Variants in ENPP4 observed in about 807,000 individuals in gnomAD.
The protein encoded by ENPP4 is ectonucleotide pyrophosphatase/phosphodiesterase 4.
Under a neutral mutation model 33.4 loss-of-function variants are expected in ENPP4, and 18 were observed. That is an observed-to-expected ratio of 0.54 (90% CI 0.37 to 0.80). ENPP4 has a LOEUF of 0.80. Ranked by LOEUF, ENPP4 falls within the 30% of genes least tolerant of loss-of-function variation. The probability of loss-of-function intolerance (pLI) is 0.00; values close to 1 mark genes in which losing one functional copy is unlikely to be tolerated. For missense variants in ENPP4, 480 were observed against 541.7 expected (o/e 0.89, Z 1.13); for synonymous variants, 172 against 189.9 (o/e 0.91, Z 0.78).
chr6:46,140,511 A>G, intron 2 of ENPP4, 102 bp downstream of exon 2: 2 of 697,538 alleles, frequency 2.9e-6, no homozygotes, highest in Non-Finnish European at 4.7e-6. Context: ...TTTGTAGTTT[A>G]GAACCATATA....
At position 46,142,848 on chromosome 6, in the gene ENPP4, G is replaced by T. The variant is rs979590743; in HGVS notation, c.998-428G>T. 2.6e-5 allele frequency among the ~76,000 whole-genome samples: 4 copies of T among 151,838 alleles called. No homozygotes were observed. The East Asian group carries it at 5.8e-4, about 22-fold the overall frequency. On this transcript the variant is annotated intron_variant, in intron 3 of 3. Transcript: ENST00000321037. ...CTCCTGTAACAATTGAGATAGGTTA[G>T]GCTGCAGATTTTCTTTTTCTCCATT...
Position 46,140,057 on chromosome 6 carries a change from G to A in ENPP4, c.474G>A (p.Val158=), listed in dbSNP as rs970442243. 4.3e-6 allele frequency: 7 copies of A among 1,611,774 alleles called. No homozygotes were observed. Among genetic ancestry groups the A allele is most frequent in the Non-Finnish European group, 5.9e-6 (7 of 1,178,250 alleles). The change falls in exon 2 of 4, where the codon GTG becomes GTA. Residue 158 remains valine (V), a synonymous_variant. Transcript: ENST00000321037. ...SSYFMNYNSS[V]SFEERLNNIT... is the part of the protein sequence containing the mutation. Reference sequence around the variant, plus strand: ...ATTTTATGAATTACAACTCCTCAGTGTCATTTGAGGAAAGACTAAATAATA... The same window carrying A: ...ATTTTATGAATTACAACTCCTCAGTATCATTTGAGGAAAGACTAAATAATA...
At position 46,133,926 on chromosome 6, in the gene ENPP4, C is replaced by T. The variant is rs1212461668; in HGVS notation, c.-34+3737C>T. Among the ~76,000 whole-genome samples, 11 of 152,176 alleles carry T rather than the reference C, an allele frequency of 7.2e-5. No individual in the cohort carries two copies. The East Asian group carries it at 2.1e-3, about 29-fold the overall frequency. ...GATTATTATCAGACTTGTTAACTTGCTATTACTGGACTTGTAAACTTATTG... is the reference window on the plus strand; with the variant it reads ...GATTATTATCAGACTTGTTAACTTGTTATTACTGGACTTGTAAACTTATTG... On this transcript the variant is annotated intron_variant, in intron 1 of 3. Coordinates refer to ENST00000321037, the MANE Select transcript of ENPP4 (RefSeq NM_014936.5).
chr6:46,134,487 TTG>T (rs1291908907), intron 1 of ENPP4, among the ~76,000 whole-genome samples: 1 of 152,138 alleles, frequency 6.6e-6, no homozygotes, highest in Non-Finnish European at 1.5e-5. Flanking sequence ...GCATTTTGAT[TTG>T]TGTTTTGTGG....
chr6:46,143,109 A>T (rs1581957678), intron 3 of ENPP4, among the ~76,000 whole-genome samples, 167 bp from the exon 4 acceptor site: 1 of 148,648 alleles, frequency 6.7e-6, no homozygotes, highest in East Asian at 2.0e-4. Context: ...TGTGTATGTG[A>T]GAGAGAGAGA....
intron 1 of ENPP4, among the ~76,000 whole-genome samples, chr6:46,137,636 A>G (rs1280597513): frequency 1.3e-5 from 2 of 151,892 alleles, no homozygotes; most frequent in Admixed American, 6.6e-5. Flanking sequence ...GTCTGTGGAA[A>G]TACCCATATG....
rs1020941078 is a variant in ENPP4 at position 46,143,516 on chromosome 6, G to A, written c.1238G>A (p.Gly413Asp). 6.2e-7 allele frequency: 1 copy of A among 1,612,810 alleles called. No individual in the cohort carries two copies. The change falls in exon 4 of 4, where the codon GGT (glycine) becomes GAT (aspartate). Residue 413 changes from glycine to aspartate, a missense_variant. By Grantham distance (94) the Gly-to-Asp change is moderately conservative (BLOSUM62 -1). Around this residue, in one of 3 missense-constraint regions of ENPP4, gnomAD observed 249 missense variants for 251.8 expected, o/e 0.99. Transcript: ENST00000321037. ...CCAGAAGCCATCGCGATTGTTATCG[G>A]TTCACTCTTGGTGTTAACCATGCTA... ...NLPEAIAIVI[G>D]SLLVLTMLTC...
intron 1 of ENPP4, among the ~76,000 whole-genome samples, chr6:46,133,940 G>A (rs1451283770): frequency 6.6e-6 from 1 of 152,126 alleles, no homozygotes; most frequent in Non-Finnish European, 1.5e-5. Context: ...TACTGGACTT[G>A]TAAACTTATT....
chr6:46,139,876 CAAAG>C lies in ENPP4; in HGVS notation c.297_300del (p.Lys99AsnfsTer22). On this transcript the variant is annotated frameshift_variant, in exon 2 of 4. Coordinates refer to ENST00000321037, the MANE Select transcript of ENPP4 (RefSeq NM_014936.5). LOFTEE classifies it high-confidence loss of function. ...GCTAATTCCATGTATGATGCAGTCA[CAAAG>C]AAACACTTTTCTGACTCTAATGACA... The C allele has an allele frequency of 6.2e-7, 1 of 1,612,694 alleles. No individual in the cohort carries two copies. Among genetic ancestry groups the C allele is most frequent in the East Asian group, 2.2e-5 (1 of 44,846 alleles).
In ENPP4 at chr6:46,139,670, A is replaced by G. The variant is rs1163629550; in HGVS notation, c.87A>G (p.Leu29=). The change falls in exon 2 of 4, where the codon CTA becomes CTG. Residue 29 remains leucine, a synonymous_variant. Coordinates refer to ENST00000321037, the MANE Select transcript of ENPP4 (RefSeq NM_014936.5). The part of the protein sequence containing the change: ...DSSSSLPPKL[L]LVSFDGFRAD... ...CCTCTAGTTTGCCACCTAAGTTACT[A>G]CTAGTATCCTTTGATGGCTTCAGAG... 3 of 1,610,610 alleles carry G rather than the reference A, an allele frequency of 1.9e-6. No individual in the cohort carries two copies. Among genetic ancestry groups the G allele is most frequent in the African/African-American group, 1.3e-5 (1 of 74,764 alleles).
Position 46,145,008 on chromosome 6 carries a change from A to C in ENPP4, c.*1368A>C, listed in dbSNP as rs1340888844. 3 of 396,068 alleles carry C rather than the reference A, an allele frequency of 7.6e-6. No individual in the cohort carries two copies. Among genetic ancestry groups the C allele is most frequent in the Non-Finnish European group, 1.3e-5 (3 of 224,220 alleles). The allele number at this position is 396,068 out of a possible 1,614,324, so 24.5% of individuals were successfully genotyped here. A position where few individuals can be genotyped will look rare whatever the true frequency, so the allele number is the denominator to read the frequency against. On this transcript the variant is annotated 3_prime_UTR_variant, in exon 4 of 4. Coordinates refer to ENST00000321037, the MANE Select transcript of ENPP4 (RefSeq NM_014936.5). ...TAATATGAAGAAACTAGGTTGTGAC[A>C]GACTAGATTATATTTAGTAGGGGAA... is the stretch of plus-strand genomic sequence containing the variant.
rs1228493146 is a variant in ENPP4, at chr6:46,140,216, T to A, written c.633T>A (p.Asp211Glu). The stretch of plus-strand genomic sequence containing the variant: ...TGAGCAGAGTGTTGAAAAAAATAGA[T>A]GATCTTATCGGTGACTTAGTCCAAA... Reference protein sequence around the residue: ...ENMSRVLKKIDDLIGDLVQRL... With the variant: ...ENMSRVLKKIEDLIGDLVQRL... Residue 211 changes from aspartate to glutamate, a missense_variant, in exon 2 of 4, where the codon GAT (aspartate) becomes GAA (glutamate). Coordinates refer to ENST00000321037, the MANE Select transcript of ENPP4 (RefSeq NM_014936.5). 8 of 1,612,474 alleles carry A rather than the reference T, an allele frequency of 5.0e-6. No homozygotes were observed. The highest frequency in any genetic ancestry group is 6.8e-6 in the Non-Finnish European group (8 of 1,179,062).
At chr6:46,142,000 G>C (rs143894302) in intron 3 of ENPP4, among the ~76,000 whole-genome samples, 4 of 151,314 alleles carry the variant, frequency 2.6e-5, no homozygotes, top group Admixed American at 6.6e-5. Context: ...GGTGTGCTTC[G>C]GTGAAACTCT....
At chr6:46,134,015 T>C (rs1041359506) in intron 1 of ENPP4, among the ~76,000 whole-genome samples, 1 of 152,182 alleles carries the variant, frequency 6.6e-6, no homozygotes, top group Admixed American at 6.5e-5. Context: ...GGCTAATCAC[T>C]GGACTTTAGC....
At chr6:46,132,965 G>A (rs1763923772) in intron 1 of ENPP4, among the ~76,000 whole-genome samples, 1 of 152,006 alleles carries the variant, frequency 6.6e-6, no homozygotes. Context: ...TGTTGTTGAT[G>A]TATAAGAATG....
At position 46,139,877 on chromosome 6, in the gene ENPP4, A is replaced by G; in HGVS notation, c.294A>G (p.Thr98=). 6.2e-7 allele frequency: 1 copy of G among 1,612,858 alleles called. No homozygotes were observed. Among genetic ancestry groups the G allele is most frequent in the Non-Finnish European group, 8.5e-7 (1 of 1,179,158 alleles). The change falls in exon 2 of 4, where the codon ACA becomes ACG. Residue 98 remains threonine, a synonymous_variant. Transcript: ENST00000321037. ...IVANSMYDAV[T]KKHFSDSNDK... Reference sequence around the variant, plus strand: ...CTAATTCCATGTATGATGCAGTCACAAAGAAACACTTTTCTGACTCTAATG... The same window carrying G: ...CTAATTCCATGTATGATGCAGTCACGAAGAAACACTTTTCTGACTCTAATG...
At chr6:46,142,341 A>AT (rs1335589511) in intron 3 of ENPP4, among the ~76,000 whole-genome samples, 1 of 68,072 alleles carries the variant, frequency 1.5e-5, no homozygotes, top group Non-Finnish European at 3.7e-5. Flanking sequence ...TATGTAATAT[A>AT]ATTATATGTA....
In ENPP4 at chr6:46,143,560, A is replaced by G; in HGVS notation, c.1282A>G (p.Met428Val). ...LTMLTCLIII[M>V]QNRLSVPRPF... The stretch of plus-strand genomic sequence containing the variant: ...CATGCTAACATGCCTCATAATAATC[A>G]TGCAGAATAGACTTTCTGTACCTCG... Residue 428 changes from methionine to valine, a missense_variant, in exon 4 of 4, where the codon ATG becomes GTG. Coordinates refer to ENST00000321037, the MANE Select transcript of ENPP4 (RefSeq NM_014936.5). 1 of 1,612,614 alleles carries G rather than the reference A, an allele frequency of 6.2e-7. No individual in the cohort carries two copies. Among genetic ancestry groups the G allele is most frequent in the East Asian group, 2.2e-5 (1 of 44,854 alleles).
chr6:46,136,098 T>G (rs1763970123), intron 1 of ENPP4, among the ~76,000 whole-genome samples: 1 of 152,004 alleles, frequency 6.6e-6, no homozygotes, highest in Admixed American at 6.6e-5. Flanking sequence ...TTTTTCCCCG[T>G]GAGAAGATAC....
Sources: allele counts gnomAD v4.1 joint callset (sites outside exome capture counted in the v4.1 genomes callset), GRCh38; gene constraint gnomAD v4.1.1; regional missense constraint gnomAD v4.1.1; transcripts MANE v1.5; gene names NCBI Gene and HGNC (gene_info 2026-07-23, HGNC 2026-07-21).